The following FBXO43 variants were observed in gnomAD, a reference collection of about 807,000 sequenced individuals.
FBXO43 encodes the protein F-box protein 43.
In FBXO43, 22 loss-of-function variants were observed where a neutral mutation model predicts 56.7. The observed-to-expected ratio is 0.39, with a 90% CI of 0.28 to 0.55. FBXO43 has a LOEUF of 0.55. Ranked by LOEUF, FBXO43 falls within the 20% of genes least tolerant of loss-of-function variation. The probability of loss-of-function intolerance (pLI) is 0.66; values close to 1 mark genes in which losing one functional copy is unlikely to be tolerated. For synonymous variants in FBXO43, 306 were observed against 294.5 expected (o/e 1.04, Z -0.40); for missense variants, 733 against 814.9 (o/e 0.90, Z 1.22).
At chr8:100,140,245 T>C (rs2453633) in intron 2 of FBXO43, among the ~76,000 whole-genome samples, 96,079 of 152,074 alleles carry the variant, frequency 0.63, 30,803 homozygotes, top group African/African-American at 0.73. Flanking sequence ...CCGAGATGGG[T>C]GGATCTTGAG....
At chr8:100,136,816 T>C (rs909344406) in intron 3 of FBXO43, 2 of 152,268 alleles carry the variant, frequency 1.3e-5, no homozygotes, top group Non-Finnish European at 2.9e-5. Flanking sequence ...TGTAGTCACC[T>C]ATTTACCTAT....
rs764743881 is a variant in FBXO43, at chr8:100,141,995, C to T, written c.259G>A (p.Asp87Asn). 2 of 1,611,744 alleles carry T rather than the reference C, an allele frequency of 1.2e-6. No homozygotes were observed. Among genetic ancestry groups the T allele is most frequent in the Non-Finnish European group, 1.7e-6 (2 of 1,179,394 alleles). The part of the protein sequence containing the change: ...GYNELKSCSF[D>N]NIDKEYLGKK... ...CCAAGATATTCTTTATCTATATTAT[C>T]AAAGCTACAAGATTTTAACTCATTG... The change falls in exon 2 of 5, where the codon GAT becomes AAT. Residue 87 changes from aspartate to asparagine, a missense_variant. Asp to Asn is a conservative substitution (Grantham distance 23). Transcript: ENST00000428847.
At chr8:100,136,110 T>G (rs1291715836) in intron 3 of FBXO43, among the ~76,000 whole-genome samples, 1 of 152,168 alleles carries the variant, frequency 6.6e-6, no homozygotes, top group African/African-American at 2.4e-5. Flanking sequence ...AGGGCAGCAT[T>G]TGAAAAACAG....
Position 100,141,459 on chromosome 8 carries a change from G to A in FBXO43, c.795C>T (p.Asp265=), listed in dbSNP as rs1334407687. The A allele has an allele frequency of 6.2e-7, 1 of 1,613,318 alleles. No individual in the cohort carries two copies. ...TAATGCATAAACTGCTATCACTAAAGTCATGTGTGATAGAGTCTTTAAAAT... is the reference window on the plus strand; with the variant it reads ...TAATGCATAAACTGCTATCACTAAAATCATGTGTGATAGAGTCTTTAAAAT... ...GNNFKDSITH[D]FSDSSLCIND... The change falls in exon 2 of 5, where the codon GAC becomes GAT. Residue 265 remains aspartate, a synonymous_variant. Coordinates refer to ENST00000428847, the MANE Select transcript of FBXO43 (RefSeq NM_001029860.4).
chr8:100,148,695 G>A (rs994634737), upstream of FBXO43, among the ~76,000 whole-genome samples: 1 of 152,212 alleles, frequency 6.6e-6, no homozygotes, highest in Non-Finnish European at 1.5e-5. Flanking sequence ...TTACAGGCGT[G>A]AGCCACGGTG....
At chr8:100,147,321 G>T (rs1037503110), upstream of FBXO43, among the ~76,000 whole-genome samples, 12 of 152,210 alleles carry the variant, frequency 7.9e-5, no homozygotes, top group African/African-American at 2.9e-4. Context: ...CTCTACTGGA[G>T]AACAGAGTGC....
At chr8:100,144,742 T>C (rs1319166843) in intron 1 of FBXO43, among the ~76,000 whole-genome samples, 2 of 151,416 alleles carry the variant, frequency 1.3e-5, no homozygotes, top group Non-Finnish European at 1.5e-5. Context: ...CCAACCTGGC[T>C]AACACGGTGA....
intron 2 of FBXO43, among the ~76,000 whole-genome samples, chr8:100,139,910 ATAAT>A (rs777737823): frequency 2.7e-4 from 41 of 152,236 alleles, no homozygotes; most frequent in Middle Eastern, 3.2e-3. Flanking sequence ...TAGAACTTAA[ATAAT>A]TAAGTGGTAT....
chr8:100,144,232 T>C (rs1160644156), intron 1 of FBXO43, among the ~76,000 whole-genome samples: 2 of 152,132 alleles, frequency 1.3e-5, no homozygotes, highest in African/African-American at 4.8e-5. Context: ...CAAAAATCTA[T>C]TCTGGCCGGT....
upstream of FBXO43, among the ~76,000 whole-genome samples, chr8:100,148,267 T>A (rs1309527892): frequency 6.6e-6 from 1 of 152,136 alleles, no homozygotes; most frequent in Non-Finnish European, 1.5e-5. Flanking sequence ...TTTATATTGT[T>A]CAAGGAAGAA....
In FBXO43 at chr8:100,144,987, T is replaced by C. The variant is rs191902722; in HGVS notation, c.85+64A>G. 201 of 1,493,022 alleles carry C rather than the reference T, an allele frequency of 1.3e-4. No homozygotes were observed. In the African/African-American group the frequency reaches 2.6e-3, roughly 20 times the overall value. The allele number at this position is 1,493,022 out of a possible 1,614,324, so 92.5% of individuals were successfully genotyped here. A position where few individuals can be genotyped will look rare whatever the true frequency, so the allele number is the denominator to read the frequency against. On this transcript the variant is annotated intron_variant, in intron 1 of 4. Coordinates refer to ENST00000428847, the MANE Select transcript of FBXO43 (RefSeq NM_001029860.4). Reference sequence around the variant, plus strand: ...AAAAAAAGAAAAAGCACCTACCACATCAGAGAATGAAGTACTTACATTAAA... The same window carrying C: ...AAAAAAAGAAAAAGCACCTACCACACCAGAGAATGAAGTACTTACATTAAA...
upstream of FBXO43, among the ~76,000 whole-genome samples, chr8:100,147,274 G>A (rs1814849965): frequency 1.3e-5 from 2 of 152,226 alleles, no homozygotes; most frequent in South Asian, 4.1e-4. Context: ...TGTAACAGAG[G>A]AACAGTAGCA....
chr8:100,144,239 C>T (rs1358939056), intron 1 of FBXO43, among the ~76,000 whole-genome samples: 1 of 151,198 alleles, frequency 6.6e-6, no homozygotes, highest in African/African-American at 2.4e-5. Flanking sequence ...CTATTCTGGC[C>T]GGTGGCTCAC....
At chr8:100,142,196 C>A in intron 1 of FBXO43, 28 bp from the exon 2 acceptor site, 1 of 1,505,042 alleles carries the variant, frequency 6.6e-7, no homozygotes, top group Non-Finnish European at 8.9e-7. Flanking sequence ...AGTTATTCTG[C>A]CTTTGAAATG....
intron 2 of FBXO43, among the ~76,000 whole-genome samples, chr8:100,138,833 T>C (rs538177262): frequency 5.1e-4 from 78 of 151,966 alleles, no homozygotes; most frequent in Non-Finnish European, 1.0e-3. Flanking sequence ...AGCCTAGGAG[T>C]TTGAGACCAG....
Position 100,142,181 on chromosome 8 carries a change from A to G in FBXO43, c.86-13T>C, listed in dbSNP as rs1354322518. On this transcript the variant is annotated splice_polypyrimidine_tract_variant and intron_variant, in intron 1 of 4. Transcript: ENST00000428847. ...AAAATCTCTGTTTCTGCAAAGTGAC[A>G]ACAAAGTTATTCTGCCTTTGAAATG... 4 of 1,527,568 alleles carry G rather than the reference A, an allele frequency of 2.6e-6. No individual in the cohort carries two copies. Among genetic ancestry groups the G allele is most frequent in the Non-Finnish European group, 3.5e-6 (4 of 1,141,154 alleles). The allele number at this position is 1,527,568 out of a possible 1,614,324, so 94.6% of individuals were successfully genotyped here.
chr8:100,137,724 T>C, intron 2 of FBXO43, 57 bp from the exon 3 acceptor site: 1 of 1,253,780 alleles, frequency 8.0e-7, no homozygotes, highest in Non-Finnish European at 1.1e-6. Flanking sequence ...TAACATTTTG[T>C]TGTATACGCT....
In FBXO43 at chr8:100,133,658, C is replaced by T; in HGVS notation, c.*144G>A. The T allele has an allele frequency of 1.1e-6, 1 of 944,140 alleles. No homozygotes were observed. The highest frequency in any genetic ancestry group is 3.1e-5 in the Admixed American group (1 of 32,060). The allele number at this position is 944,140 out of a possible 1,614,324, so 58.5% of individuals were successfully genotyped here. A position where few individuals can be genotyped will look rare whatever the true frequency, so the allele number is the denominator to read the frequency against. ...TCAAAACAACTTTAAAGAAAACATACAATGACATCGATTATAATATATACA... is the reference window on the plus strand; with the variant it reads ...TCAAAACAACTTTAAAGAAAACATATAATGACATCGATTATAATATATACA... On this transcript the variant is annotated 3_prime_UTR_variant, in exon 5 of 5. Transcript: ENST00000428847.
Position 100,133,944 on chromosome 8 carries a change from G to A in FBXO43, c.1985C>T (p.Ala662Val), listed in dbSNP as rs1814385772. ...YKKRGLCSRT[A>V]CGFDFCVLCL... Reference sequence around the variant, plus strand: ...TAACACACAAAAGTCAAAACCACAGGCTGTTCGGCTACACAGTCCCCTTTT... The same window carrying A: ...TAACACACAAAAGTCAAAACCACAGACTGTTCGGCTACACAGTCCCCTTTT... The change falls in exon 5 of 5, where the codon GCC (alanine) becomes GTC (valine). Residue 662 changes from alanine (A) to valine (V), a missense_variant. Transcript: ENST00000428847. The A allele has an allele frequency of 2.5e-6, 4 of 1,613,990 alleles. No homozygotes were observed. In the Admixed American group the frequency reaches 5.0e-5, roughly 20 times the overall value.
Sources: gnomAD v4.1 joint callset for allele counts (sites outside exome capture counted in the v4.1 genomes callset) on GRCh38, gnomAD v4.1.1 for gene constraint, MANE v1.5 for transcripts, NCBI Gene and HGNC (gene_info 2026-07-23, HGNC 2026-07-21) for gene names.